The following SLC24A4 variants were observed in gnomAD, a reference collection of about 807,000 sequenced individuals.
SLC24A4 encodes the protein solute carrier family 24 member 4.
In SLC24A4, 53 loss-of-function variants were observed where a neutral mutation model predicts 79.0. The observed-to-expected ratio is 0.67, with a 90% CI of 0.54 to 0.84. The LOEUF is 0.84. Among genes scored for constraint, SLC24A4 ranks in the 40% least tolerant of loss-of-function variants. The pLI, the probability that SLC24A4 is intolerant of heterozygous loss-of-function variation, is 0.00. For synonymous variants in SLC24A4, 323 were observed against 323.8 expected (o/e 1.00, Z 0.03); for missense variants, 731 against 822.0 (o/e 0.89, Z 1.35).
intron 2 of SLC24A4, among the ~76,000 whole-genome samples, chr14:92,366,606 C>G (rs910142719): frequency 1.3e-5 from 2 of 152,182 alleles, no homozygotes; most frequent in African/African-American, 4.8e-5. Flanking sequence ...TAATACCCTT[C>G]GCTTTGAATA....
At chr14:92,401,034 G>T (rs1458533179) in intron 2 of SLC24A4, among the ~76,000 whole-genome samples, 1 of 152,116 alleles carries the variant, frequency 6.6e-6, no homozygotes, top group African/African-American at 2.4e-5. Flanking sequence ...ATGGAGAGGG[G>T]GGAATACACA....
intron 2 of SLC24A4, among the ~76,000 whole-genome samples, chr14:92,395,753 G>A (rs1477374452): frequency 6.6e-6 from 1 of 152,148 alleles, no homozygotes; most frequent in Non-Finnish European, 1.5e-5. Flanking sequence ...TTGACTTGGA[G>A]GAAGCATGCT....
chr14:92,386,720 C>T (rs548359508), intron 2 of SLC24A4, among the ~76,000 whole-genome samples: 1 of 152,310 alleles, frequency 6.6e-6, no homozygotes, highest in African/African-American at 2.4e-5. Context: ...GTTTGTTTGA[C>T]GTTTCTGCTA....
At chr14:92,349,673 C>T (rs1397296644) in intron 2 of SLC24A4, among the ~76,000 whole-genome samples, 1 of 152,094 alleles carries the variant, frequency 6.6e-6, no homozygotes, top group East Asian at 1.9e-4. Context: ...TACAAGTTTC[C>T]CAACACCTCA....
At chr14:92,397,035 T>C (rs1040841516) in intron 2 of SLC24A4, among the ~76,000 whole-genome samples, 8 of 152,268 alleles carry the variant, frequency 5.3e-5, no homozygotes, top group Non-Finnish European at 1.0e-4. Context: ...AGATAGAAAG[T>C]GTACATTTTC....
At chr14:92,347,038 C>T (rs988580721) in intron 2 of SLC24A4, among the ~76,000 whole-genome samples, 6 of 152,106 alleles carry the variant, frequency 3.9e-5, no homozygotes, top group African/African-American at 1.4e-4. Flanking sequence ...ATTTATGCCA[C>T]CAAACATAAC....
chr14:92,393,566 T>TA (rs372972787), intron 2 of SLC24A4, among the ~76,000 whole-genome samples: 3 of 146,214 alleles, frequency 2.1e-5, no homozygotes, highest in African/African-American at 5.2e-5. Context: ...TTTTTTTTTT[T>TA]ACGGAGTCTC....
intron 12 of SLC24A4, among the ~76,000 whole-genome samples, chr14:92,468,073 T>C (rs922880819): frequency 6.6e-6 from 1 of 152,128 alleles, no homozygotes; most frequent in Admixed American, 6.5e-5. Flanking sequence ...TTAATAAACA[T>C]GCAGCATACA....
chr14:92,489,800 C>A (rs548920422), intron 14 of SLC24A4, among the ~76,000 whole-genome samples: 1 of 152,286 alleles, frequency 6.6e-6, no homozygotes, highest in East Asian at 1.9e-4. Flanking sequence ...AACCTGAGAC[C>A]CGCTCATCCC....
intron 2 of SLC24A4, among the ~76,000 whole-genome samples, chr14:92,360,902 G>A (rs7145687): frequency 0.74 from 112,907 of 152,208 alleles, 45,938 homozygotes; most frequent in East Asian, 0.94. Flanking sequence ...TAATTTGGCT[G>A]CACAGCGTTT....
rs144762520 is a variant in SLC24A4, at chr14:92,356,649, G to A, written c.241+30671G>A. ...AATTAATACATGTAAGTCACATGGCGCAGTGGCTGGAACAGAGCACGTGCT... is the reference window on the plus strand; with the variant it reads ...AATTAATACATGTAAGTCACATGGCACAGTGGCTGGAACAGAGCACGTGCT... On this transcript the variant is annotated intron_variant, in intron 2 of 16. Coordinates refer to ENST00000532405, the MANE Select transcript of SLC24A4 (RefSeq NM_153646.4). 8.3e-4 allele frequency among the ~76,000 whole-genome samples: 127 copies of A among 152,328 alleles called. 1 individual carries two copies. The East Asian group carries it at 0.019, about 23-fold the overall frequency.
In SLC24A4 at chr14:92,323,757, G is replaced by T; in HGVS notation, c.-74G>T. 1.3e-6 allele frequency: 2 copies of T among 1,487,890 alleles called. No individual in the cohort carries two copies. Among genetic ancestry groups the T allele is most frequent in the South Asian group, 1.3e-5 (1 of 76,440 alleles). 92.2% of individuals were successfully genotyped at this position (1,487,890 alleles called of 1,614,324 possible). ...CACCGCCTGCTCCAGCCCCAGCGCC[G>T]CTCGGCCACTGATTGCACTCTGGCC... is the stretch of plus-strand genomic sequence containing the variant. On this transcript the variant is annotated 5_prime_UTR_variant, in exon 1 of 17. Transcript: ENST00000532405. This position sits in a 1 kb window ranked among gnomAD's most constrained non-coding sequence, Gnocchi z 4.9.
chr14:92,496,125 G>A lies in SLC24A4; in HGVS notation c.*2497G>A, dbSNP rs1442112663. 6.6e-6 allele frequency: 1 copy of A among 152,584 alleles called. No individual in the cohort carries two copies. The highest frequency in any genetic ancestry group is 1.5e-5 in the Non-Finnish European group (1 of 68,034). The allele number at this position is 152,584 out of a possible 1,614,324, so 9.5% of individuals were successfully genotyped here. ...ATGAATACTCTTAGTCTCTAAAGTT[G>A]CAGTTAGAAACTAAAATAATGTTTT... On this transcript the variant is annotated 3_prime_UTR_variant, in exon 17 of 17. Coordinates refer to ENST00000532405, the MANE Select transcript of SLC24A4 (RefSeq NM_153646.4).
intron 2 of SLC24A4, among the ~76,000 whole-genome samples, chr14:92,372,750 C>T (rs1039153407): frequency 6.6e-6 from 1 of 152,034 alleles, no homozygotes; most frequent in Non-Finnish European, 1.5e-5. Flanking sequence ...TGAACTTGTC[C>T]CTCATGTGTC....
At chr14:92,449,333 A>G (rs1466930953) in intron 10 of SLC24A4, 117 bp downstream of exon 10, 12 of 1,275,268 alleles carry the variant, frequency 9.4e-6, no homozygotes, top group African/African-American at 1.5e-5. Flanking sequence ...CCCTCTCACA[A>G]TGTCCCCCCT....
At chr14:92,435,994 C>T (rs1408244944) in intron 3 of SLC24A4, among the ~76,000 whole-genome samples, 3 of 152,156 alleles carry the variant, frequency 2.0e-5, no homozygotes, top group Non-Finnish European at 4.4e-5. Flanking sequence ...TCACAGGAAC[C>T]CTTTAGAGGA....
chr14:92,457,628 A>G (rs985601185), intron 12 of SLC24A4: 1 of 152,258 alleles, frequency 6.6e-6, no homozygotes, highest in Non-Finnish European at 1.5e-5. Flanking sequence ...GGATCCCAGG[A>G]CCCACCCCGC....
At chr14:92,480,325 C>T (rs12889641) in intron 12 of SLC24A4, among the ~76,000 whole-genome samples, 87,148 of 96,954 alleles carry the variant, frequency 0.9, 40,116 homozygotes, top group Non-Finnish European at 0.99. Context: ...CTTGCTCTGT[C>T]GCCCAGGCCG....
intron 2 of SLC24A4, among the ~76,000 whole-genome samples, chr14:92,358,784 A>G (rs1887329936): frequency 6.7e-6 from 1 of 149,984 alleles, no homozygotes; most frequent in Non-Finnish European, 1.5e-5. Flanking sequence ...TCCCAGGTTC[A>G]AGTGATTCCC....
Sources: allele counts gnomAD v4.1 joint callset (sites outside exome capture counted in the v4.1 genomes callset), GRCh38; gene constraint gnomAD v4.1.1; non-coding constraint Gnocchi (gnomAD v3.1); transcripts MANE v1.5; gene names NCBI Gene and HGNC (gene_info 2026-07-23, HGNC 2026-07-21).